NR5A2: variants seen among roughly 807,000 people sequenced by gnomAD.
NR5A2 encodes CYP7A promoter-binding factor.
A neutral mutation model predicts 62.7 loss-of-function variants in NR5A2; 26 were observed. That is an observed-to-expected ratio of 0.41 (90% CI 0.30 to 0.58). The LOEUF is 0.58. NR5A2 is among the 20% of genes least tolerant of loss of function. The probability of loss-of-function intolerance (pLI) is 0.22; values close to 1 mark genes in which losing one functional copy is unlikely to be tolerated. For missense variants in NR5A2, 541 were observed against 669.1 expected, an observed-to-expected ratio of 0.81 and a Z score of 2.11; for synonymous variants, 246 against 241.7, an observed-to-expected ratio of 1.02 and a Z score of -0.16.
chr1:200,070,581 G>GA (rs1385682128), intron 5 of NR5A2, among the ~76,000 whole-genome samples: 1 of 151,770 alleles, frequency 6.6e-6, no homozygotes, highest in Non-Finnish European at 1.5e-5. Context: ...TTGGGAGGCT[G>GA]AGGCAGGATG....
intron 5 of NR5A2, among the ~76,000 whole-genome samples, chr1:200,053,437 A>C (rs2102177776): frequency 6.6e-6 from 1 of 152,318 alleles, no homozygotes; most frequent in East Asian, 1.9e-4. Flanking sequence ...CATATGAAGA[A>C]ACTGAGGCAG....
In NR5A2 at chr1:200,147,931, TCGCC is replaced by T; in HGVS notation, c.1379-26031_1379-26028del. On this transcript the variant is annotated intron_variant, in intron 7 of 7. Coordinates refer to ENST00000367362, the MANE Select transcript of NR5A2 (RefSeq NM_205860.3). This position sits in a 1 kb window ranked among gnomAD's most constrained non-coding sequence, Gnocchi z 4.9. ...GCGGGCTGTGATGTGGTGCAGCGCT[TCGCC>T]GGTGTTGGTGTTGCCCTGTGGTAGG... The T allele has an allele frequency of 5.5e-6, 2 of 366,184 alleles. No individual in the cohort carries two copies. The highest frequency in any genetic ancestry group is 6.6e-5 in the South Asian group (2 of 30,218). 22.7% of individuals were successfully genotyped at this position (366,184 alleles called of 1,614,324 possible). A position where few individuals can be genotyped will look rare whatever the true frequency, so the allele number is the denominator to read the frequency against.
At chr1:200,102,145 G>A (rs943403070) in intron 5 of NR5A2, among the ~76,000 whole-genome samples, 80 of 152,278 alleles carry the variant, frequency 5.3e-4, no homozygotes, top group African/African-American at 1.8e-3. Context: ...TAGGTATATC[G>A]TGTATACCAT....
At chr1:200,097,757 G>A (rs1260721721) in intron 5 of NR5A2, among the ~76,000 whole-genome samples, 2 of 152,188 alleles carry the variant, frequency 1.3e-5, no homozygotes, top group Admixed American at 6.5e-5. Flanking sequence ...GGAAGGGAGT[G>A]TGTAGGCGGT....
intron 7 of NR5A2, among the ~76,000 whole-genome samples, chr1:200,170,782 G>A (rs925028003): frequency 1.3e-5 from 2 of 152,168 alleles, no homozygotes; most frequent in African/African-American, 4.8e-5. Context: ...TTCATCACAG[G>A]ACTTTTTGAA....
intron 5 of NR5A2, among the ~76,000 whole-genome samples, chr1:200,092,452 CT>C (rs1041079804): frequency 1.3e-5 from 2 of 152,140 alleles, no homozygotes; most frequent in African/African-American, 4.8e-5. Flanking sequence ...CACAGAGGAG[CT>C]CGTTAATGCA....
chr1:200,142,513 TA>T (rs931260431), intron 7 of NR5A2, among the ~76,000 whole-genome samples: 3 of 150,552 alleles, frequency 2.0e-5, no homozygotes, highest in African/African-American at 4.9e-5. Flanking sequence ...TTCTTTTTTT[TA>T]AAAAAAAATT....
At chr1:200,107,640 C>A (rs1665745989) in intron 5 of NR5A2, among the ~76,000 whole-genome samples, 1 of 152,148 alleles carries the variant, frequency 6.6e-6, no homozygotes, top group South Asian at 2.1e-4. Flanking sequence ...AAAAGTCAGA[C>A]TGTTTTTTGC....
At chr1:200,123,326 A>G (rs146669965) in intron 7 of NR5A2, among the ~76,000 whole-genome samples, 56 of 152,356 alleles carry the variant, frequency 3.7e-4, no homozygotes, top group African/African-American at 1.3e-3. Context: ...AAGCGGGTGC[A>G]GCGTTCCAAG....
chr1:200,098,830 C>T (rs977250617), intron 5 of NR5A2, among the ~76,000 whole-genome samples: 2 of 152,130 alleles, frequency 1.3e-5, no homozygotes, highest in African/African-American at 4.8e-5. Flanking sequence ...CTAGATAGGA[C>T]CTATTACTCT....
intron 1 of NR5A2, among the ~76,000 whole-genome samples, chr1:200,034,719 G>A (rs1367441800): frequency 6.9e-6 from 1 of 145,858 alleles, no homozygotes; most frequent in Non-Finnish European, 1.5e-5. Flanking sequence ...TGAATCAATC[G>A]CCATCCTGCT....
chr1:200,162,634 G>A (rs1029331196), intron 7 of NR5A2, among the ~76,000 whole-genome samples: 1 of 152,146 alleles, frequency 6.6e-6, no homozygotes, highest in African/African-American at 2.4e-5. Context: ...AGGAACAGAG[G>A]CGAGTTACGG....
At chr1:200,069,213 G>A (rs938343804) in intron 5 of NR5A2, among the ~76,000 whole-genome samples, 2 of 151,806 alleles carry the variant, frequency 1.3e-5, no homozygotes, top group Admixed American at 6.6e-5. Context: ...GGAAAATGCT[G>A]TAAGTTCTCT....
At chr1:200,099,293 T>C (rs1665252890) in intron 5 of NR5A2, among the ~76,000 whole-genome samples, 1 of 152,046 alleles carries the variant, frequency 6.6e-6, no homozygotes. Context: ...AACTGCCTGA[T>C]GGAAGCAGCC....
intron 4 of NR5A2, among the ~76,000 whole-genome samples, chr1:200,047,584 C>CTTTTCTTT (rs748844716): frequency 3.4e-5 from 5 of 148,308 alleles, no homozygotes; most frequent in African/African-American, 1.3e-4. Flanking sequence ...TATTTCTTTT[C>CTTTTCTTT]TTTTTTTTGA....
At chr1:200,071,458 AAAC>A (rs1663735211) in intron 5 of NR5A2, among the ~76,000 whole-genome samples, 1 of 152,218 alleles carries the variant, frequency 6.6e-6, no homozygotes, top group Admixed American at 6.5e-5. Flanking sequence ...ATGGCACTTA[AAAC>A]AACAACAGTG....
intron 6 of NR5A2, among the ~76,000 whole-genome samples, chr1:200,116,274 G>A (rs76657559): frequency 0.015 from 2,288 of 152,210 alleles, 65 homozygotes; most frequent in African/African-American, 0.052. Context: ...CAGGTGTTCC[G>A]TAGCCCAATC....
intron 7 of NR5A2, among the ~76,000 whole-genome samples, chr1:200,125,774 T>G (rs1431443513): frequency 6.6e-6 from 1 of 152,212 alleles, no homozygotes; most frequent in Non-Finnish European, 1.5e-5. Flanking sequence ...AAATGTGACT[T>G]GAACACAAGT....
At chr1:200,134,602 A>C (rs1667133653) in intron 7 of NR5A2, among the ~76,000 whole-genome samples, 1 of 152,188 alleles carries the variant, frequency 6.6e-6, no homozygotes, top group African/African-American at 2.4e-5. Context: ...CACTTCTCAG[A>C]ATGTATCCTT....
Sources: gnomAD v4.1 joint callset for allele counts (sites outside exome capture counted in the v4.1 genomes callset) on GRCh38, gnomAD v4.1.1 for gene constraint, Gnocchi (gnomAD v3.1) non-coding constraint, MANE v1.5 for transcripts, NCBI Gene and HGNC (gene_info 2026-07-23, HGNC 2026-07-21) for gene names.